MAGT1: variants seen among roughly 807,000 people sequenced by gnomAD.
MAGT1 encodes the protein magnesium transporter 1.
A neutral mutation model predicts 28.4 loss-of-function variants in MAGT1; 4 were observed. That is an observed-to-expected ratio of 0.14 (90% CI 0.07 to 0.32). MAGT1 has a LOEUF of 0.32. MAGT1 is among the 10% of genes least tolerant of loss of function. MAGT1 has a pLI of 1.00. For missense variants in MAGT1, 193 were observed against 264.5 expected (o/e 0.73, Z 1.88); for synonymous variants, 89 against 89.7 (o/e 0.99, Z 0.04).
chrX:77,829,828 G>A (rs1490007190), intron 9 of MAGT1, among the ~76,000 whole-genome samples: 1 of 111,634 alleles, frequency 9.0e-6, no homozygotes, highest in Non-Finnish European at 1.9e-5. Context: ...TCTTCAAAAG[G>A]AAGTATAATA....
chrX:77,835,584 T>G (rs1557213852), intron 8 of MAGT1, among the ~76,000 whole-genome samples: 3 of 111,678 alleles, frequency 2.7e-5, no homozygotes, highest in Non-Finnish European at 5.6e-5. Context: ...ATCCCACTGC[T>G]TGGGTATACA....
intron 3 of MAGT1, among the ~76,000 whole-genome samples, chrX:77,858,032 A>G (rs1409685291): frequency 8.9e-6 from 1 of 111,821 alleles, no homozygotes; most frequent in Non-Finnish European, 1.9e-5. Context: ...ACATCATGAT[A>G]TATTTGAGAA....
chrX:77,836,929 T>C (rs181883374), intron 8 of MAGT1, among the ~76,000 whole-genome samples: 136 of 111,131 alleles, frequency 1.2e-3, no homozygotes, highest in African/African-American at 4.4e-3. Flanking sequence ...AATGTGCACA[T>C]ACGTATATAC....
intron 1 of MAGT1, among the ~76,000 whole-genome samples, chrX:77,886,908 A>G (rs782422871): frequency 1.2e-4 from 13 of 111,935 alleles, no homozygotes; most frequent in Non-Finnish European, 2.3e-4. Context: ...GATGAATAAC[A>G]GGAAAAAGCA....
At chrX:77,854,066 C>T (rs1557215749) in intron 6 of MAGT1, 102 bp from the exon 7 acceptor site, 23 of 621,133 alleles carry the variant, frequency 3.7e-5, no homozygotes, top group Non-Finnish European at 6.0e-5. Context: ...TATTAATTCA[C>T]CTGATAAACC....
chrX:77,855,315 A>G (rs781888449), intron 6 of MAGT1, among the ~76,000 whole-genome samples, 186 bp downstream of exon 6: 1 of 111,450 alleles, frequency 9.0e-6, no homozygotes, highest in African/African-American at 3.3e-5. Context: ...CTCCGTTTCG[A>G]AAAAAAGAAG....
intron 7 of MAGT1, among the ~76,000 whole-genome samples, chrX:77,852,913 A>T (rs377376922): frequency 7.6e-4 from 85 of 111,935 alleles, no homozygotes; most frequent in African/African-American, 1.6e-3. Context: ...TTGTATATCA[A>T]TGTCAGGACA....
At chrX:77,876,170 T>TA (rs1249497386) in intron 1 of MAGT1, among the ~76,000 whole-genome samples, 2 of 26,028 alleles carry the variant, frequency 7.7e-5, no homozygotes, top group African/African-American at 1.9e-4. Flanking sequence ...ATATATTTTT[T>TA]TTTTTTTTTT....
intron 2 of MAGT1, among the ~76,000 whole-genome samples, chrX:77,873,561 C>G (rs1481995969): frequency 5.4e-5 from 6 of 111,699 alleles, no homozygotes; most frequent in Admixed American, 1.9e-4. Flanking sequence ...GCAATCTTTG[C>G]TCCTAAGATC....
At position 77,854,091 on chromosome X, in the gene MAGT1, G is replaced by A. The variant is rs935143386; in HGVS notation, c.763-127C>T. On this transcript the variant is annotated intron_variant, in intron 6 of 9. Transcript: ENST00000618282. Reference sequence around the variant, plus strand: ...CCTGATAAACCATGTGACATACTCCGGGTCTGTGGCATTCATCAGTAAGTC... The same window carrying A: ...CCTGATAAACCATGTGACATACTCCAGGTCTGTGGCATTCATCAGTAAGTC... The A allele has an allele frequency of 5.6e-5, 30 of 540,242 alleles. 1 individual carries two copies. The South Asian group carries it at 6.7e-4, about 12-fold the overall frequency. 44.5% of individuals were successfully genotyped at this position (540,242 alleles called of 1,213,427 possible). A position where few individuals can be genotyped will look rare whatever the true frequency, so the allele number is the denominator to read the frequency against.
intron 7 of MAGT1, among the ~76,000 whole-genome samples, chrX:77,849,069 GTTTTC>G (rs1261716368): frequency 1.4e-4 from 15 of 105,417 alleles, no homozygotes; most frequent in Non-Finnish European, 2.7e-4. Context: ...CATTTATTGT[GTTTTC>G]TTTTTTTTTT....
intron 1 of MAGT1, among the ~76,000 whole-genome samples, chrX:77,879,256 C>T (rs1184784775): frequency 3.6e-5 from 4 of 111,192 alleles, no homozygotes; most frequent in Non-Finnish European, 7.5e-5. Flanking sequence ...GGGGTTTCAC[C>T]ATGTTGGCCA....
rs868983391 is a variant in MAGT1 at position 77,830,479 on chromosome X, C to T, written c.992+326G>A. ...AAAAATACAAAATTAGCCGGGCATG[C>T]TGGCACACGCCTGTAATCGCAACTA... On this transcript the variant is annotated intron_variant, in intron 9 of 9. Transcript: ENST00000618282. Among the ~76,000 whole-genome samples the T allele has an allele frequency of 2.7e-4, 30 of 110,723 alleles. 1 individual carries two copies. In the Middle Eastern group the frequency reaches 0.014, roughly 51 times the overall value.
At chrX:77,876,684 C>T (rs2077035782) in intron 1 of MAGT1, among the ~76,000 whole-genome samples, 2 of 111,674 alleles carry the variant, frequency 1.8e-5, no homozygotes, top group South Asian at 7.3e-4. Flanking sequence ...AGCAATTGGT[C>T]ATCCATAGCC....
At chrX:77,883,094 TTAATA>T (rs2077057624) in intron 1 of MAGT1, among the ~76,000 whole-genome samples, 1 of 102,403 alleles carries the variant, frequency 9.8e-6, no homozygotes, top group African/African-American at 3.5e-5. Context: ...ATGTATTATA[TTAATA>T]TAATAACATA....
chrX:77,858,658 G>A (rs911070582), intron 3 of MAGT1, among the ~76,000 whole-genome samples: 2 of 111,442 alleles, frequency 1.8e-5, no homozygotes, highest in Non-Finnish European at 3.8e-5. Flanking sequence ...GTATAATGTG[G>A]TAAATTAATG....
At chrX:77,864,875 C>A (rs1040445138) in intron 3 of MAGT1, among the ~76,000 whole-genome samples, 6 of 110,859 alleles carry the variant, frequency 5.4e-5, no homozygotes, top group Non-Finnish European at 1.1e-4. Flanking sequence ...CCACACCTGG[C>A]TAATTTTTGT....
rs1163911751 is a variant in MAGT1, at chrX:77,888,372, T to C, written c.102+6937A>G. On this transcript the variant is annotated intron_variant, in intron 1 of 9. Transcript: ENST00000618282. ...AAGTAAAGTAAGTTTAAAGTCTTTC[T>C]CTTCTCTTGAAACATTTTAACTAGT... 3.6e-5 allele frequency among the ~76,000 whole-genome samples: 4 copies of C among 111,391 alleles called. No individual in the cohort carries two copies. In the East Asian group the frequency reaches 1.1e-3, roughly 31 times the overall value.
chrX:77,853,259 C>G (rs1362087766), intron 7 of MAGT1, among the ~76,000 whole-genome samples: 2 of 111,697 alleles, frequency 1.8e-5, no homozygotes, highest in African/African-American at 6.5e-5. Context: ...TCAAAATATC[C>G]CCATCTTTGA....
Sources: allele counts gnomAD v4.1 joint callset (sites outside exome capture counted in the v4.1 genomes callset), GRCh38; gene constraint gnomAD v4.1.1; transcripts MANE v1.5; gene names NCBI Gene and HGNC (gene_info 2026-07-23, HGNC 2026-07-21).